The following PRKCA variants were observed in gnomAD, a reference collection of about 807,000 sequenced individuals.
PRKCA encodes protein kinase C alpha type.
A neutral mutation model predicts 87.0 loss-of-function variants in PRKCA; 27 were observed. The observed-to-expected ratio is 0.31, with a 90% CI of 0.23 to 0.43. The LOEUF is 0.43. PRKCA is among the 20% of genes least tolerant of loss of function. PRKCA has a pLI of 1.00. For synonymous variants in PRKCA, 329 were observed against 311.1 expected (o/e 1.06, Z -0.61); for missense variants, 518 against 852.3 (o/e 0.61, Z 4.88).
intron 13 of PRKCA, among the ~76,000 whole-genome samples, chr17:66,762,243 G>A (rs923954265): frequency 6.6e-6 from 1 of 152,122 alleles, no homozygotes; most frequent in African/African-American, 2.4e-5. Flanking sequence ...TTATTTCCTT[G>A]AATAACTTTC....
intron 3 of PRKCA, among the ~76,000 whole-genome samples, chr17:66,546,479 A>G (rs1276279968): frequency 2.6e-5 from 4 of 152,140 alleles, no homozygotes; most frequent in Non-Finnish European, 4.4e-5. Flanking sequence ...CTTTCCTTGC[A>G]TTTTCCTACG....
Position 66,448,449 on chromosome 17 carries a change from G to A in PRKCA, c.206-47752G>A, listed in dbSNP as rs148120877. Among the ~76,000 whole-genome samples the A allele has an allele frequency of 6.6e-5, 10 of 152,258 alleles. No individual in the cohort carries two copies. In the East Asian group the frequency reaches 1.9e-3, roughly 29 times the overall value. On this transcript the variant is annotated intron_variant, in intron 2 of 16. Coordinates refer to ENST00000413366, the MANE Select transcript of PRKCA (RefSeq NM_002737.3). ...CTTCTTGAGCCCTATTAGGCTCGAT[G>A]CCATTAAACTGCTATGCGTAATGAG...
chr17:66,323,578 T>C (rs1000555857), intron 2 of PRKCA, among the ~76,000 whole-genome samples: 5 of 152,314 alleles, frequency 3.3e-5, no homozygotes, highest in South Asian at 2.1e-4. Context: ...TCTATGCAGA[T>C]TGAGTTTTTA....
intron 3 of PRKCA, among the ~76,000 whole-genome samples, chr17:66,521,898 A>G (rs1275889993): frequency 1.3e-5 from 2 of 152,240 alleles, no homozygotes; most frequent in African/African-American, 4.8e-5. Context: ...CTAGTGTTAG[A>G]TAAATCTTCA....
At position 66,418,744 on chromosome 17, in the gene PRKCA, C is replaced by G. The variant is rs115135438; in HGVS notation, c.206-77457C>G. On this transcript the variant is annotated intron_variant, in intron 2 of 16. Transcript: ENST00000413366. ...AGCCACTGCTCCCAGCCGGTTTCAG[C>G]GTTTTTCTTTGTTTGTTTGTTTTTT... is the stretch of plus-strand genomic sequence containing the variant. Among the ~76,000 whole-genome samples the G allele has an allele frequency of 5.4e-3, 807 of 150,290 alleles. 5 individuals carry two copies. The highest frequency in any genetic ancestry group is 0.018 in the African/African-American group (723 of 40,912).
intron 14 of PRKCA, among the ~76,000 whole-genome samples, chr17:66,786,203 T>C (rs1975388897): frequency 6.6e-6 from 1 of 152,234 alleles, no homozygotes. Context: ...GCTAGAATTC[T>C]GGTCCAGATC....
chr17:66,657,786 C>A (rs1971777027), intron 5 of PRKCA, among the ~76,000 whole-genome samples: 1 of 152,080 alleles, frequency 6.6e-6, no homozygotes, highest in Non-Finnish European at 1.5e-5. Context: ...CAATCCCTCC[C>A]ACCCCAATAT....
intron 13 of PRKCA, among the ~76,000 whole-genome samples, chr17:66,772,438 G>C (rs1974954323): frequency 6.6e-6 from 1 of 151,988 alleles, no homozygotes; most frequent in Non-Finnish European, 1.5e-5. Flanking sequence ...AGAAATGAAA[G>C]TGGGCAGACA....
chr17:66,668,603 C>G (rs1279217976), intron 5 of PRKCA, among the ~76,000 whole-genome samples: 3 of 152,126 alleles, frequency 2.0e-5, no homozygotes, highest in Admixed American at 1.3e-4. Context: ...ATGTGGCATA[C>G]AAACAGTATC....
At chr17:66,793,810 G>A (rs543759544) in intron 16 of PRKCA, among the ~76,000 whole-genome samples, 6 of 152,250 alleles carry the variant, frequency 3.9e-5, no homozygotes, top group Non-Finnish European at 7.4e-5. Context: ...AAGGCTCACC[G>A]AGGGAAGGAA....
At chr17:66,460,552 A>G (rs1177905001) in intron 2 of PRKCA, among the ~76,000 whole-genome samples, 2 of 152,184 alleles carry the variant, frequency 1.3e-5, no homozygotes, top group East Asian at 1.9e-4. Flanking sequence ...AGGGAGAAGA[A>G]CTAAAATCAC....
intron 3 of PRKCA, among the ~76,000 whole-genome samples, chr17:66,546,206 T>A (rs1051543475): frequency 6.6e-6 from 1 of 152,238 alleles, no homozygotes; most frequent in Non-Finnish European, 1.5e-5. Flanking sequence ...ATGACCACTA[T>A]CCTTTTATTT....
chr17:66,651,699 A>G (rs1036123076), intron 5 of PRKCA, among the ~76,000 whole-genome samples: 8 of 152,190 alleles, frequency 5.3e-5, no homozygotes, highest in Non-Finnish European at 1.0e-4. Context: ...CAGCAGATGT[A>G]TCTGCTCCTT....
intron 5 of PRKCA, among the ~76,000 whole-genome samples, chr17:66,665,279 A>G (rs569274208): frequency 3.0e-4 from 46 of 152,312 alleles, no homozygotes; most frequent in African/African-American, 1.1e-3. Flanking sequence ...GATTTCAGGA[A>G]CTTGCCAGGT....
At chr17:66,683,723 CTGAG>C (rs1354483858) in intron 5 of PRKCA, among the ~76,000 whole-genome samples, 1 of 152,108 alleles carries the variant, frequency 6.6e-6, no homozygotes, top group Admixed American at 6.5e-5. Flanking sequence ...CCTCAGTCTC[CTGAG>C]TATCTGGGAT....
chr17:66,709,266 G>A (rs997093734), intron 8 of PRKCA, among the ~76,000 whole-genome samples: 2 of 142,230 alleles, frequency 1.4e-5, no homozygotes, highest in African/African-American at 5.2e-5. Flanking sequence ...TCACCTTCAT[G>A]AATCCTTGTA....
At chr17:66,667,175 T>TA (rs1475024673) in intron 5 of PRKCA, among the ~76,000 whole-genome samples, 1 of 152,136 alleles carries the variant, frequency 6.6e-6, no homozygotes, top group Non-Finnish European at 1.5e-5. Context: ...AATGTCTGCG[T>TA]GTTTAGTTCA....
At chr17:66,731,985 T>C (rs1254219822) in intron 8 of PRKCA, among the ~76,000 whole-genome samples, 6 of 151,622 alleles carry the variant, frequency 4.0e-5, no homozygotes, top group Non-Finnish European at 8.8e-5. Context: ...AGACGGGGTT[T>C]CACCATGTTG....
intron 2 of PRKCA, among the ~76,000 whole-genome samples, chr17:66,488,843 CT>C (rs1947273946): frequency 6.6e-6 from 1 of 152,172 alleles, no homozygotes; most frequent in Non-Finnish European, 1.5e-5. Flanking sequence ...TTTCATACAA[CT>C]TTTAATGTGT....
Sources: gnomAD v4.1 joint callset for allele counts (sites outside exome capture counted in the v4.1 genomes callset) on GRCh38, gnomAD v4.1.1 for gene constraint, MANE v1.5 for transcripts, NCBI Gene and HGNC (gene_info 2026-07-23, HGNC 2026-07-21) for gene names.